MROH1: variants seen among roughly 807,000 people sequenced by gnomAD.
MROH1 encodes the protein maestro heat-like repeat-containing protein family member 1.
A neutral mutation model predicts 116.5 loss-of-function variants in MROH1; 117 were observed. The observed-to-expected ratio is 1.00, with a 90% CI of 0.86 to 1.17. The LOEUF (loss-of-function observed/expected upper bound fraction) is 1.17. Among genes scored for constraint, MROH1 ranks in the 50% most tolerant of loss-of-function variants. The pLI is 0.00. For synonymous variants in MROH1, 921 were observed against 583.9 expected (o/e 1.58, Z -8.32); for missense variants, 1,873 against 1,338.5 (o/e 1.40, Z -6.23).
intron 35 of MROH1, among the ~76,000 whole-genome samples, chr8:144,256,080 G>C (rs1424545567): frequency 2.0e-5 from 3 of 152,166 alleles, no homozygotes; most frequent in Non-Finnish European, 4.4e-5. Flanking sequence ...GGCAGGACCA[G>C]CTTTGTCCCT....
chr8:144,202,305 A>G (rs1347827728), intron 12 of MROH1, among the ~76,000 whole-genome samples: 26 of 130,716 alleles, frequency 2.0e-4, no homozygotes, highest in South Asian at 8.0e-4. Context: ...GGGGTTGGGA[A>G]GGCAGCGACC....
At chr8:144,192,552 T>G in intron 10 of MROH1, 151 bp downstream of exon 10, 1 of 728,454 alleles carries the variant, frequency 1.4e-6, no homozygotes, top group Non-Finnish European at 2.4e-6. Flanking sequence ...CTCGGGTGAC[T>G]TCTTAGCGAT....
intron 12 of MROH1, among the ~76,000 whole-genome samples, chr8:144,202,920 T>G (rs1233499850): frequency 1.8e-5 from 1 of 54,104 alleles, no homozygotes; most frequent in Non-Finnish European, 3.4e-5. Context: ...GTGGAGGGGC[T>G]GGGAGAGGAG....
chr8:144,180,345 G>T lies in MROH1; in HGVS notation c.463+5G>T. On this transcript the variant is annotated splice_donor_5th_base_variant and intron_variant, in intron 6 of 43. Coordinates refer to ENST00000326134, the MANE Select transcript of MROH1 (RefSeq NM_032450.3). This position sits in a 1 kb window ranked among gnomAD's most constrained non-coding sequence, Gnocchi z 7.4. Reference sequence around the variant, plus strand: ...CCAGCCTCTCGGTGGCCAACGGTAGGTGACGCGCGGCCTGCCCCAGGAGGA... The same window carrying T: ...CCAGCCTCTCGGTGGCCAACGGTAGTTGACGCGCGGCCTGCCCCAGGAGGA... 2 of 1,604,896 alleles carry T rather than the reference G, an allele frequency of 1.2e-6. No individual in the cohort carries two copies. Among genetic ancestry groups the T allele is most frequent in the Non-Finnish European group, 8.5e-7 (1 of 1,178,320 alleles).
chr8:144,181,842 GC>G (rs1825804244), intron 7 of MROH1, among the ~76,000 whole-genome samples: 1 of 152,146 alleles, frequency 6.6e-6, no homozygotes, highest in Non-Finnish European at 1.5e-5. Flanking sequence ...GCCCCTTCCC[GC>G]CACTCCTCTG....
At position 144,153,579 on chromosome 8, in the gene MROH1, A is replaced by G. The variant is rs1004970620; in HGVS notation, c.-177+5503A>G. On this transcript the variant is annotated intron_variant, in intron 1 of 43. Coordinates refer to ENST00000326134, the MANE Select transcript of MROH1 (RefSeq NM_032450.3). ...TTTTTATTTTGTTCTTTCTTTAAAT[A>G]TATGCCACATTTTCTTTATTCATTC... Among the ~76,000 whole-genome samples, 6 of 152,146 alleles carry G rather than the reference A, an allele frequency of 3.9e-5. No individual in the cohort carries two copies. In the East Asian group the frequency reaches 7.7e-4, roughly 20 times the overall value.
intron 10 of MROH1, chr8:144,193,193 G>A (rs934185885): frequency 6.4e-6 from 1 of 155,648 alleles, no homozygotes; most frequent in South Asian, 2.0e-4. Context: ...GCTGTGAACA[G>A]TTACATGGTA....
chr8:144,189,946 T>G (rs927820344), intron 7 of MROH1, among the ~76,000 whole-genome samples: 1 of 152,236 alleles, frequency 6.6e-6, no homozygotes, highest in African/African-American at 2.4e-5. Flanking sequence ...ATTAGGTGGC[T>G]TCAAACAACA....
At chr8:144,244,367 C>A in intron 27 of MROH1, 31 bp downstream of exon 27, 1 of 721,996 alleles carries the variant, frequency 1.4e-6, no homozygotes, top group Non-Finnish European at 2.6e-6. Flanking sequence ...CCTGTGTCCA[C>A]ATCCGTGAGA....
intron 10 of MROH1, among the ~76,000 whole-genome samples, chr8:144,195,223 C>T (rs1265196470): frequency 8.0e-5 from 2 of 24,920 alleles, no homozygotes; most frequent in South Asian, 1.5e-3. Context: ...AAAAAAAGGC[C>T]GAGTGCCATG....
chr8:144,170,257 A>T (rs1001278877), intron 4 of MROH1, among the ~76,000 whole-genome samples: 3 of 151,968 alleles, frequency 2.0e-5, no homozygotes, highest in African/African-American at 7.3e-5. Context: ...AGCCCCAGCC[A>T]CTCCATGCTT....
intron 7 of MROH1, among the ~76,000 whole-genome samples, chr8:144,185,917 G>A (rs1432305157): frequency 6.6e-6 from 1 of 150,544 alleles, no homozygotes; most frequent in African/African-American, 2.5e-5. Flanking sequence ...GGGCGGCGAG[G>A]GGCGACGTGG....
chr8:144,209,025 T>C (rs1432259201), intron 12 of MROH1, among the ~76,000 whole-genome samples: 1 of 122,584 alleles, frequency 8.2e-6, no homozygotes, highest in Non-Finnish European at 1.6e-5. Flanking sequence ...CACTCGGCCA[T>C]TTTGTGTGTG....
chr8:144,171,248 C>T (rs1240920656), intron 4 of MROH1, among the ~76,000 whole-genome samples: 2 of 152,252 alleles, frequency 1.3e-5, no homozygotes, highest in African/African-American at 2.4e-5. Context: ...TCACGACCCC[C>T]TCCTCAGGCT....
At chr8:144,208,974 T>G (rs1283347195) in intron 12 of MROH1, among the ~76,000 whole-genome samples, 2 of 151,890 alleles carry the variant, frequency 1.3e-5, no homozygotes, top group Non-Finnish European at 2.9e-5. Flanking sequence ...TCCACCTGCC[T>G]CAGCCTCCCA....
intron 1 of MROH1, among the ~76,000 whole-genome samples, chr8:144,158,939 G>A (rs1818830703): frequency 6.6e-6 from 1 of 152,052 alleles, no homozygotes; most frequent in African/African-American, 2.4e-5. Flanking sequence ...GGGCTTCGCT[G>A]TGTTACCCAG....
At chr8:144,186,356 A>G (rs1827166626) in intron 7 of MROH1, among the ~76,000 whole-genome samples, 1 of 152,072 alleles carries the variant, frequency 6.6e-6, no homozygotes. Flanking sequence ...TCCTGACCTC[A>G]GGTGATCTGT....
At chr8:144,165,654 A>G (rs1408347151) in intron 3 of MROH1, among the ~76,000 whole-genome samples, 1 of 151,306 alleles carries the variant, frequency 6.6e-6, no homozygotes, top group Non-Finnish European at 1.5e-5. Context: ...AGCTCATTGC[A>G]ACCTCTGCCT....
At chr8:144,236,966 G>A (rs1840145574) in intron 14 of MROH1, among the ~76,000 whole-genome samples, 1 of 135,410 alleles carries the variant, frequency 7.4e-6, no homozygotes, top group African/African-American at 2.7e-5. Context: ...AGTGCAGTGG[G>A]GTAATCTCGA....
Sources: gnomAD v4.1 joint callset for allele counts (sites outside exome capture counted in the v4.1 genomes callset) on GRCh38, gnomAD v4.1.1 for gene constraint, Gnocchi (gnomAD v3.1) non-coding constraint, MANE v1.5 for transcripts, NCBI Gene and HGNC (gene_info 2026-07-23, HGNC 2026-07-21) for gene names.